FER1L6: variants seen among roughly 807,000 people sequenced by gnomAD.
FER1L6 encodes fer-1 like family member 6.
In FER1L6, 177 loss-of-function variants were observed where a neutral mutation model predicts 219.2. The observed-to-expected ratio is 0.81, with a 90% CI of 0.71 to 0.91. The LOEUF (loss-of-function observed/expected upper bound fraction) is 0.91. Among genes scored for constraint, FER1L6 ranks in the 40% least tolerant of loss-of-function variants. FER1L6 has a pLI of 0.00. For synonymous variants in FER1L6, 768 were observed against 824.3 expected (o/e 0.93, Z 1.17); for missense variants, 2,153 against 2,259.9 (o/e 0.95, Z 0.96).
rs72716511 is a variant in FER1L6 at position 124,087,781 on chromosome 8, G to A, written c.4392-3642G>A. Among the ~76,000 whole-genome samples, 446 of 152,268 alleles carry A rather than the reference G, an allele frequency of 2.9e-3. 4 individuals carry two copies. The highest frequency in any genetic ancestry group is 0.011 in the South Asian group (55 of 4,824). On this transcript the variant is annotated intron_variant, in intron 33 of 40. Transcript: ENST00000522917. Reference sequence around the variant, plus strand: ...ATAATCTAAATATTTGGTCACTGCAGCCATATCTGCATTAGGGGACACTAA... The same window carrying A: ...ATAATCTAAATATTTGGTCACTGCAACCATATCTGCATTAGGGGACACTAA...
chr8:123,972,430 C>G (rs533947231), intron 6 of FER1L6, among the ~76,000 whole-genome samples: 2 of 152,326 alleles, frequency 1.3e-5, no homozygotes, highest in South Asian at 4.2e-4. Context: ...ACTTAAGGAA[C>G]TTACAGGATT....
chr8:124,001,290 A>G (rs1817399838), intron 12 of FER1L6, among the ~76,000 whole-genome samples: 1 of 151,954 alleles, frequency 6.6e-6, no homozygotes, highest in Admixed American at 6.6e-5. Context: ...AAGATACCCA[A>G]TCCTTTCTTC....
intron 1 of FER1L6, among the ~76,000 whole-genome samples, chr8:123,922,191 A>G (rs143975196): frequency 3.1e-4 from 47 of 152,266 alleles, no homozygotes; most frequent in African/African-American, 9.1e-4. Flanking sequence ...AGCAGCTGCC[A>G]TCTGTGTGCG....
chr8:123,877,747 G>T (rs1586434961), intron 1 of FER1L6, among the ~76,000 whole-genome samples: 1 of 139,520 alleles, frequency 7.2e-6, no homozygotes, highest in Admixed American at 7.4e-5. Context: ...TTTAACTTTG[G>T]TTTCTCTACC....
At chr8:123,995,636 T>C (rs1817097449) in intron 12 of FER1L6, among the ~76,000 whole-genome samples, 1 of 152,114 alleles carries the variant, frequency 6.6e-6, no homozygotes, top group South Asian at 2.1e-4. Context: ...TGATCTTTTG[T>C]ATTGTTTTTA....
At chr8:123,963,495 C>T in intron 3 of FER1L6, 97 bp downstream of exon 3, 3 of 1,411,838 alleles carry the variant, frequency 2.1e-6, no homozygotes, top group Non-Finnish European at 2.0e-6. Context: ...GAGAGTAAGA[C>T]ATAGTCACTG....
chr8:124,082,484 C>G (rs1821600394), intron 33 of FER1L6, 26 bp downstream of exon 33: 6 of 1,605,484 alleles, frequency 3.7e-6, no homozygotes, highest in Non-Finnish European at 5.1e-6. Flanking sequence ...CCGGGAGACA[C>G]TTGGTATTCT....
At chr8:124,011,963 A>G (rs1817955088) in intron 14 of FER1L6, among the ~76,000 whole-genome samples, 1 of 152,230 alleles carries the variant, frequency 6.6e-6, no homozygotes, top group Non-Finnish European at 1.5e-5. Flanking sequence ...TACTGTAAAC[A>G]GTGCCAATCA....
At chr8:123,884,389 C>T (rs991338626) in intron 1 of FER1L6, among the ~76,000 whole-genome samples, 1 of 152,252 alleles carries the variant, frequency 6.6e-6, no homozygotes, top group Admixed American at 6.5e-5. Flanking sequence ...CACACAGGTC[C>T]TCTGCCCCAA....
At chr8:123,986,303 T>A (rs1422640113) in intron 12 of FER1L6, 127 bp downstream of exon 12, 3 of 604,000 alleles carry the variant, frequency 5.0e-6, no homozygotes, top group Middle Eastern at 3.0e-4. Context: ...CAGAATGAGA[T>A]GAACAATTCC....
intron 1 of FER1L6, among the ~76,000 whole-genome samples, chr8:123,887,638 G>C (rs1230729862): frequency 2.0e-5 from 3 of 152,202 alleles, no homozygotes. Context: ...GCCCAACTAA[G>C]AGAGGGAAGC....
chr8:123,911,747 T>C (rs1297058524), intron 1 of FER1L6, among the ~76,000 whole-genome samples: 2 of 152,132 alleles, frequency 1.3e-5, no homozygotes, highest in Non-Finnish European at 2.9e-5. Flanking sequence ...TGCAGCTAGT[T>C]ACTGGTGAGA....
chr8:124,069,556 C>A (rs1820979803), intron 29 of FER1L6, 81 bp downstream of exon 29: 1 of 918,388 alleles, frequency 1.1e-6, no homozygotes, highest in Non-Finnish European at 1.6e-6. Context: ...TTGGTCAACC[C>A]TAGTCATGCC....
At chr8:123,989,358 C>T (rs1177710904) in intron 12 of FER1L6, among the ~76,000 whole-genome samples, 1 of 152,074 alleles carries the variant, frequency 6.6e-6, no homozygotes, top group Non-Finnish European at 1.5e-5. Flanking sequence ...GTATTCCCTC[C>T]TCTTCCATTT....
intron 1 of FER1L6, among the ~76,000 whole-genome samples, chr8:123,938,784 G>GCTAT (rs1235041018): frequency 2.6e-5 from 4 of 152,040 alleles, no homozygotes; most frequent in South Asian, 2.1e-4. Context: ...CTGAGCTCAA[G>GCTAT]CTATCTACCT....
chr8:124,091,181 TA>T (rs533838704), intron 33 of FER1L6, among the ~76,000 whole-genome samples: 5 of 151,980 alleles, frequency 3.3e-5, no homozygotes, highest in African/African-American at 9.7e-5. Context: ...CACTTCAATT[TA>T]AAAAAAATGA....
intron 1 of FER1L6, among the ~76,000 whole-genome samples, chr8:123,857,165 A>G (rs1450917856): frequency 6.6e-6 from 1 of 152,154 alleles, no homozygotes; most frequent in East Asian, 1.9e-4. Flanking sequence ...CTGTGATTTT[A>G]GTTATTAGAA....
chr8:123,926,353 C>T (rs923665059), intron 1 of FER1L6, among the ~76,000 whole-genome samples: 2 of 152,180 alleles, frequency 1.3e-5, no homozygotes, highest in Non-Finnish European at 2.9e-5. Context: ...AGACTATGTC[C>T]ACGTGGCCTG....
chr8:124,017,834 C>G, intron 16 of FER1L6, 116 bp downstream of exon 16: 1 of 706,302 alleles, frequency 1.4e-6, no homozygotes, highest in Non-Finnish European at 2.4e-6. Context: ...TTTTGGGATG[C>G]AGAGACAAGA....
Sources: gnomAD v4.1 joint callset for allele counts (sites outside exome capture counted in the v4.1 genomes callset) on GRCh38, gnomAD v4.1.1 for gene constraint, MANE v1.5 for transcripts, NCBI Gene and HGNC (gene_info 2026-07-23, HGNC 2026-07-21) for gene names.